Variants in CCDC112 observed in about 807,000 individuals in gnomAD.
CCDC112 encodes coiled-coil domain containing 112, also known as coiled-coil domain-containing protein 112.
A neutral mutation model predicts 66.3 loss-of-function variants in CCDC112; 40 were observed. The ratio of observed to expected loss-of-function variants is 0.60; its 90% CI spans 0.47 to 0.79. CCDC112 has a LOEUF of 0.79. Ranked by LOEUF, CCDC112 falls within the 30% of genes least tolerant of loss-of-function variation. The pLI is 0.00. For missense variants in CCDC112, 659 were observed against 603.8 expected, an observed-to-expected ratio of 1.09 and a Z score of -0.96; for synonymous variants, 214 against 197.2, an observed-to-expected ratio of 1.09 and a Z score of -0.71.
At chr5:115,270,224 A>ATGAACTAAAAGAAATGAACTAAAATT (rs1748941218) in intron 7 of CCDC112, among the ~76,000 whole-genome samples, 1 of 152,046 alleles carries the variant, frequency 6.6e-6, no homozygotes, top group African/African-American at 2.4e-5. Context: ...ATTTTTATAT[A>ATGAACTAAAAGAAATGAACTAAAATT]TGAACTAAAA....
intron 6 of CCDC112, 107 bp downstream of exon 6, chr5:115,275,109 A>G (rs781215186): frequency 2.7e-5 from 23 of 864,508 alleles, no homozygotes; most frequent in Non-Finnish European, 2.9e-5. Flanking sequence ...GGGAACTATA[A>G]ACACACTTCA....
In CCDC112 at chr5:115,277,591, G is replaced by C. The variant is rs938219553; in HGVS notation, c.362-537C>G. On this transcript the variant is annotated intron_variant, in intron 3 of 9. Transcript: ENST00000379611. ...ATCACTGGCACGGCCCTGAGGAGGT[G>C]CCTCAGGTATCATTCAGTGGTATAC... is the stretch of plus-strand genomic sequence containing the variant. Among the ~76,000 whole-genome samples, 11 of 152,236 alleles carry C rather than the reference G, an allele frequency of 7.2e-5. 1 individual carries two copies. Among genetic ancestry groups the C allele is most frequent in the Admixed American group, 2.0e-4 (3 of 15,280 alleles).
At chr5:115,272,732 G>A (rs1749058254) in intron 6 of CCDC112, among the ~76,000 whole-genome samples, 1 of 152,008 alleles carries the variant, frequency 6.6e-6, no homozygotes, top group Non-Finnish European at 1.5e-5. Flanking sequence ...CTTTCTTTAT[G>A]GTGTATCATT....
Position 115,271,314 on chromosome 5 carries a change from G to C in CCDC112, c.1231C>G (p.Gln411Glu). The change falls in exon 7 of 10, where the codon CAG (glutamine) becomes GAG (glutamate). Residue 411 changes from glutamine (Q) to glutamate (E), a missense_variant. By Grantham distance (29) the Gln-to-Glu change is conservative. Coordinates refer to ENST00000379611, the MANE Select transcript of CCDC112 (RefSeq NM_001040440.3). ...LESYTQQKKE[Q>E]EEFLRLEKEI... is the part of the protein sequence containing the mutation. Reference sequence around the variant, plus strand: ...TTTTCAAGCCTCAAAAATTCTTCCTGTTCTTTCTTCTGCTGGGTATAACTT... The same window carrying C: ...TTTTCAAGCCTCAAAAATTCTTCCTCTTCTTTCTTCTGCTGGGTATAACTT... 6.2e-7 allele frequency: 1 copy of C among 1,612,194 alleles called. No individual in the cohort carries two copies. Among genetic ancestry groups the C allele is most frequent in the Non-Finnish European group, 8.5e-7 (1 of 1,179,600 alleles).
rs887836237 is a variant in CCDC112, at chr5:115,275,532, C to G, written c.602G>C (p.Trp201Ser). 6.2e-7 allele frequency: 1 copy of G among 1,613,806 alleles called. No individual in the cohort carries two copies. Among genetic ancestry groups the G allele is most frequent in the Admixed American group, 1.7e-5 (1 of 59,980 alleles). Residue 201 changes from tryptophan to serine, a missense_variant, in exon 6 of 10, where the codon TGG becomes TCG. By Grantham distance (177) the Trp-to-Ser change is radical. Transcript: ENST00000379611. ...CTCTGTTTCTGAATTACCCAAAGCC[C>G]ATGTGTCAATTTTTCTTGATATGGC... ...LSAISRKIDT[W>S]ALGNSETEKA...
intron 1 of CCDC112, chr5:115,296,207 C>G (rs1580814550): frequency 1.6e-6 from 2 of 1,277,436 alleles, no homozygotes; most frequent in Non-Finnish European, 2.0e-6. Context: ...GAGCCGGGTT[C>G]CCACCCAGGT....
chr5:115,296,582 G>C lies in CCDC112; in HGVS notation c.-39C>G. 7.0e-7 allele frequency: 1 copy of C among 1,429,996 alleles called. No homozygotes were observed. Among genetic ancestry groups the C allele is most frequent in the Non-Finnish European group, 9.1e-7 (1 of 1,096,086 alleles). The allele number at this position is 1,429,996 out of a possible 1,614,324, so 88.6% of individuals were successfully genotyped here. ...GCTACTCGGGCCGCGGCGGCCACCG[G>C]TGCCTGGGGATTCGTGGCAGGCGCA... On this transcript the variant is annotated 5_prime_UTR_variant, in exon 1 of 10. Transcript: ENST00000379611.
chr5:115,286,682 T>C (rs1749688661), intron 1 of CCDC112, among the ~76,000 whole-genome samples: 1 of 151,486 alleles, frequency 6.6e-6, no homozygotes, highest in South Asian at 2.1e-4. Flanking sequence ...GAGGCCAAGG[T>C]GGGAGAATAG....
intron 6 of CCDC112, among the ~76,000 whole-genome samples, 195 bp downstream of exon 6, chr5:115,275,021 G>T (rs1179791207): frequency 6.6e-6 from 1 of 152,154 alleles, no homozygotes; most frequent in African/African-American, 2.4e-5. Context: ...GGGATTACAG[G>T]TGTAAGCCAC....
intron 1 of CCDC112, chr5:115,295,842 G>A (rs771713609): frequency 2.1e-6 from 2 of 966,556 alleles, no homozygotes; most frequent in Non-Finnish European, 2.5e-6. Flanking sequence ...GGTGTGCCGC[G>A]TAAGGCGATT....
chr5:115,272,269 A>G (rs974394038), intron 6 of CCDC112, among the ~76,000 whole-genome samples: 1 of 152,044 alleles, frequency 6.6e-6, no homozygotes, highest in East Asian at 1.9e-4. Context: ...TCCTCTGATC[A>G]TCTCATTTCT....
At chr5:115,296,272 C>T in intron 1 of CCDC112, 155 bp downstream of exon 1, 3 of 1,308,146 alleles carry the variant, frequency 2.3e-6, no homozygotes, top group Non-Finnish European at 2.9e-6. Flanking sequence ...GTTAAACGCA[C>T]AAGCCAACAA....
intron 2 of CCDC112, among the ~76,000 whole-genome samples, chr5:115,281,013 C>T (rs1482309184): frequency 6.6e-6 from 1 of 150,628 alleles, no homozygotes; most frequent in Non-Finnish European, 1.5e-5. Context: ...TCCACTTTGC[C>T]ATACATAGAG....
chr5:115,284,895 A>C lies in CCDC112; in HGVS notation c.131T>G (p.Phe44Cys), dbSNP rs777909896. ...TPAPQQSDGCFSTSGGIRPFH... is the reference protein window; with the variant it reads ...TPAPQQSDGCCSTSGGIRPFH... Reference sequence around the variant, plus strand: ...AGGACGAATTCCACCTGAAGTACTAAAACAGCCATCACTCTGCATTGAGAA... The same window carrying C: ...AGGACGAATTCCACCTGAAGTACTACAACAGCCATCACTCTGCATTGAGAA... The change falls in exon 2 of 10, where the codon TTT becomes TGT. Residue 44 changes from phenylalanine (F) to cysteine (C), a missense_variant. Coordinates refer to ENST00000379611, the MANE Select transcript of CCDC112 (RefSeq NM_001040440.3). 3 of 1,612,632 alleles carry C rather than the reference A, an allele frequency of 1.9e-6. No individual in the cohort carries two copies. The African/African-American group carries it at 4.0e-5, about 22-fold the overall frequency.
chr5:115,283,814 G>A (rs1580804526), intron 2 of CCDC112, among the ~76,000 whole-genome samples: 1 of 151,910 alleles, frequency 6.6e-6, no homozygotes, highest in African/African-American at 2.4e-5. Context: ...CATGTCCTTT[G>A]GCAAATTGAT....
At chr5:115,278,358 T>C (rs982936745) in intron 3 of CCDC112, among the ~76,000 whole-genome samples, 2 of 152,062 alleles carry the variant, frequency 1.3e-5, no homozygotes, top group Admixed American at 6.6e-5. Context: ...GTATTTCTAC[T>C]GCTCAGCTGT....
rs752682667 is a variant in CCDC112 at position 115,267,954 on chromosome 5, T to C, written c.1548-36A>G. The stretch of plus-strand genomic sequence containing the variant: ...AAAGAGAAAAGCAATTGTAAATATG[T>C]AGGAAATTAAAAAGAAAAAAACCCT... On this transcript the variant is annotated intron_variant, in intron 9 of 9. Coordinates refer to ENST00000379611, the MANE Select transcript of CCDC112 (RefSeq NM_001040440.3). 4.5e-6 allele frequency: 7 copies of C among 1,549,958 alleles called. No individual in the cohort carries two copies. In the South Asian group the frequency reaches 7.9e-5, roughly 17 times the overall value.
At chr5:115,284,976 G>A (rs1749616011) in intron 1 of CCDC112, 68 bp from the exon 2 acceptor site, 1 of 1,454,006 alleles carries the variant, frequency 6.9e-7, no homozygotes, top group Non-Finnish European at 9.5e-7. Flanking sequence ...AATTTTTTCA[G>A]AGAGATAAAA....
At chr5:115,281,644 A>G (rs1057047766) in intron 2 of CCDC112, among the ~76,000 whole-genome samples, 6 of 152,166 alleles carry the variant, frequency 3.9e-5, no homozygotes, top group African/African-American at 1.4e-4. Flanking sequence ...ACTTTATATC[A>G]CTCAACAGTT....
Sources: allele counts gnomAD v4.1 joint callset (sites outside exome capture counted in the v4.1 genomes callset), GRCh38; gene constraint gnomAD v4.1.1; transcripts MANE v1.5; gene names NCBI Gene and HGNC (gene_info 2026-07-23, HGNC 2026-07-21).